Variants in GABRG3 observed in about 807,000 individuals in gnomAD.
GABRG3 encodes gamma-aminobutyric acid type A receptor subunit gamma3, also known as gamma-aminobutyric acid receptor subunit gamma-3.
GABRG3 carries 25 observed loss-of-function variants against 48.8 expected under a neutral mutation model. That is an observed-to-expected ratio of 0.51 (90% CI 0.37 to 0.72). The LOEUF is 0.72. GABRG3 is among the 30% of genes least tolerant of loss of function. GABRG3 has a pLI of 0.00. For missense variants in GABRG3, 394 were observed against 577.9 expected (o/e 0.68, Z 3.26); for synonymous variants, 227 against 217.6 (o/e 1.04, Z -0.38).
chr15:27,165,461 C>G (rs984075500), intron 3 of GABRG3, among the ~76,000 whole-genome samples: 1 of 152,182 alleles, frequency 6.6e-6, no homozygotes, highest in African/African-American at 2.4e-5. Flanking sequence ...GGTTCTAGTT[C>G]TTGTCATGCT....
intron 3 of GABRG3, chr15:27,158,204 G>C (rs1373611075): frequency 6.6e-6 from 1 of 152,088 alleles, no homozygotes; most frequent in Non-Finnish European, 1.5e-5. Flanking sequence ...CATGGAAAAT[G>C]GTCTGGTTGA....
At chr15:27,001,639 G>A (rs1895449222) in intron 2 of GABRG3, among the ~76,000 whole-genome samples, 1 of 152,176 alleles carries the variant, frequency 6.6e-6, no homozygotes, top group African/African-American at 2.4e-5. Context: ...TTGTCACAGG[G>A]CAGGGATGTG....
intron 3 of GABRG3, among the ~76,000 whole-genome samples, chr15:27,072,383 T>A (rs1457516022): frequency 1.3e-5 from 2 of 152,164 alleles, no homozygotes; most frequent in African/African-American, 2.4e-5. Context: ...TTCCTTCATT[T>A]CCTTTTTCCT....
intron 5 of GABRG3, among the ~76,000 whole-genome samples, chr15:27,413,702 C>T (rs940312041): frequency 6.6e-6 from 1 of 152,122 alleles, no homozygotes; most frequent in Non-Finnish European, 1.5e-5. Flanking sequence ...TAAGTCCCAG[C>T]TGCTGAAGCT....
At chr15:27,137,077 A>G (rs1898022076) in intron 3 of GABRG3, among the ~76,000 whole-genome samples, 1 of 152,120 alleles carries the variant, frequency 6.6e-6, no homozygotes, top group Non-Finnish European at 1.5e-5. Context: ...CTGCCTATAA[A>G]AGGTTCCCTG....
intron 3 of GABRG3, among the ~76,000 whole-genome samples, chr15:27,088,474 G>C (rs1294675395): frequency 6.6e-6 from 1 of 152,068 alleles, no homozygotes; most frequent in Admixed American, 6.5e-5. Flanking sequence ...GGCAGGCTGC[G>C]GGTGAACACT....
Position 27,126,126 on chromosome 15 carries a change from G to A in GABRG3, c.270+99305G>A, listed in dbSNP as rs986141369. Among the ~76,000 whole-genome samples, 4 of 143,528 alleles carry A rather than the reference G, an allele frequency of 2.8e-5. No individual in the cohort carries two copies. In the South Asian group the frequency reaches 6.5e-4, roughly 23 times the overall value. 94.2% of individuals were successfully genotyped at this position (143,528 alleles called of 152,430 possible). A position where few individuals can be genotyped will look rare whatever the true frequency, so the allele number is the denominator to read the frequency against. ...ATCTCACGTGCTTACAGCAACCAGC[G>A]GCATGACATAAAACCAGTGAGTAGC... On this transcript the variant is annotated intron_variant, in intron 3 of 9. Coordinates refer to ENST00000615808, the MANE Select transcript of GABRG3 (RefSeq NM_033223.5).
At chr15:27,369,963 G>A (rs1425605736) in intron 5 of GABRG3, among the ~76,000 whole-genome samples, 1 of 152,014 alleles carries the variant, frequency 6.6e-6, no homozygotes, top group Non-Finnish European at 1.5e-5. Context: ...AGCTTCTTAT[G>A]TGAGGCCATC....
chr15:27,187,660 T>C (rs912391139), intron 3 of GABRG3, among the ~76,000 whole-genome samples: 2 of 152,192 alleles, frequency 1.3e-5, no homozygotes, highest in East Asian at 1.9e-4. Context: ...TTTTATTCTT[T>C]TTGTAGCTAT....
At chr15:27,309,312 G>A (rs1892916567) in intron 3 of GABRG3, among the ~76,000 whole-genome samples, 1 of 151,478 alleles carries the variant, frequency 6.6e-6, no homozygotes, top group Admixed American at 6.6e-5. Flanking sequence ...GTGTGTGTGT[G>A]TGTGTGTTTG....
At chr15:27,508,229 C>A (rs148239220) in intron 6 of GABRG3, among the ~76,000 whole-genome samples, 128 of 152,280 alleles carry the variant, frequency 8.4e-4, no homozygotes, top group African/African-American at 2.6e-3. Context: ...GCTGTTGTTT[C>A]CTTTCCCTCT....
chr15:27,183,052 G>T (rs62002629), intron 3 of GABRG3, among the ~76,000 whole-genome samples: 1 of 152,056 alleles, frequency 6.6e-6, no homozygotes, highest in Non-Finnish European at 1.5e-5. Flanking sequence ...AGAGCCTTAG[G>T]TGGTTGTTTT....
intron 3 of GABRG3, among the ~76,000 whole-genome samples, chr15:27,314,010 A>C (rs961390420): frequency 2.6e-5 from 4 of 152,130 alleles, no homozygotes; most frequent in African/African-American, 4.8e-5. Context: ...AATAGAAAAA[A>C]TCCACAAAGC....
intron 3 of GABRG3, among the ~76,000 whole-genome samples, chr15:27,250,403 G>A (rs1197609242): frequency 6.6e-6 from 1 of 152,214 alleles, no homozygotes; most frequent in African/African-American, 2.4e-5. Flanking sequence ...CCAGTCATGT[G>A]TTTTATGTGC....
At chr15:27,478,539 T>C (rs1329801525) in intron 5 of GABRG3, among the ~76,000 whole-genome samples, 6 of 152,208 alleles carry the variant, frequency 3.9e-5, no homozygotes, top group African/African-American at 1.4e-4. Flanking sequence ...ATAGAAACCC[T>C]TGTACATTGC....
rs368101374 is a variant in GABRG3 at position 27,537,124 on chromosome 15, T to TAAAAAAAAAA, written c.*4255_*4264dup. Reference sequence around the variant, plus strand: ...TAAGAAATTTCATCTGCAATTTCTGTAAAAAAAAAAAAAAAAAAAAAGAAT... The same window carrying TAAAAAAAAAA: ...TAAGAAATTTCATCTGCAATTTCTGTAAAAAAAAAAAAAAAAAAAAAAAAAAAAAAAGAAT... On this transcript the variant is annotated 3_prime_UTR_variant, in exon 10 of 10. Transcript: ENST00000615808. 1 of 115,786 alleles carries TAAAAAAAAAA rather than the reference T, an allele frequency of 8.6e-6. No homozygotes were observed. The allele number at this position is 115,786 out of a possible 1,614,324, so 7.2% of individuals were successfully genotyped here.
intron 2 of GABRG3, among the ~76,000 whole-genome samples, chr15:27,006,720 T>A (rs948305102): frequency 2.0e-5 from 3 of 152,230 alleles, no homozygotes. Context: ...GTGTACTCAG[T>A]GTTTGGCTCC....
chr15:27,012,836 T>C (rs1054411000), intron 2 of GABRG3, among the ~76,000 whole-genome samples: 1 of 152,182 alleles, frequency 6.6e-6, no homozygotes, highest in Non-Finnish European at 1.5e-5. Context: ...TCCTCAGACA[T>C]TAGAACTCTG....
chr15:27,492,090 A>G (rs1397878134), intron 6 of GABRG3, among the ~76,000 whole-genome samples: 1 of 152,208 alleles, frequency 6.6e-6, no homozygotes, highest in African/African-American at 2.4e-5. Context: ...TTTGGAGTTT[A>G]TCCAGAATTG....
Sources: gnomAD v4.1 joint callset for allele counts (sites outside exome capture counted in the v4.1 genomes callset) on GRCh38, gnomAD v4.1.1 for gene constraint, MANE v1.5 for transcripts, NCBI Gene and HGNC (gene_info 2026-07-23, HGNC 2026-07-21) for gene names.